The following SLC24A2 variants were observed in gnomAD, a reference collection of about 807,000 sequenced individuals.
The protein encoded by SLC24A2 is solute carrier family 24 member 2.
SLC24A2 carries 36 observed loss-of-function variants against 62.0 expected under a neutral mutation model. The observed-to-expected ratio is 0.58, with a 90% CI of 0.44 to 0.77. SLC24A2 has a LOEUF of 0.77. Ranked by LOEUF, SLC24A2 falls within the 30% of genes least tolerant of loss-of-function variation. SLC24A2 has a pLI of 0.00. For missense variants in SLC24A2, 846 were observed against 817.9 expected, an observed-to-expected ratio of 1.03 and a Z score of -0.42; for synonymous variants, 358 against 294.0, an observed-to-expected ratio of 1.22 and a Z score of -2.23.
intron 2 of SLC24A2, among the ~76,000 whole-genome samples, chr9:19,643,868 G>T (rs1818570384): frequency 1.3e-5 from 2 of 152,242 alleles, no homozygotes; most frequent in African/African-American, 4.8e-5. Flanking sequence ...TTAATCCACA[G>T]ATTCAATAGA....
the SLC24A2 span, among the ~76,000 whole-genome samples, chr9:20,197,345 T>C: frequency 6.6e-6 from 1 of 151,924 alleles, no homozygotes; most frequent in Non-Finnish European, 1.5e-5. Flanking sequence ...TAGACATAAA[T>C]AGTTTAGGGC....
chr9:19,987,741 C>T, the SLC24A2 span, among the ~76,000 whole-genome samples: 1 of 152,192 alleles, frequency 6.6e-6, no homozygotes, highest in Non-Finnish European at 1.5e-5. Context: ...CTGCATCACA[C>T]ATCAGTATTC....
chr9:19,588,330 T>C (rs1021456994), intron 5 of SLC24A2, among the ~76,000 whole-genome samples: 3 of 152,096 alleles, frequency 2.0e-5, no homozygotes. Flanking sequence ...GGAAATGGTG[T>C]CTGTGCACAG....
chr9:20,104,486 C>CT, the SLC24A2 span, among the ~76,000 whole-genome samples: 2 of 152,224 alleles, frequency 1.3e-5, no homozygotes, highest in African/African-American at 4.8e-5. Flanking sequence ...GCCCATCAGA[C>CT]TAACAGTGGA....
chr9:19,828,579 C>T, the SLC24A2 span, among the ~76,000 whole-genome samples: 1 of 152,134 alleles, frequency 6.6e-6, no homozygotes, highest in Admixed American at 6.6e-5. Flanking sequence ...GAGAGGGGTT[C>T]ATATCTAGGT....
At chr9:19,947,810 AAG>A in the SLC24A2 span, among the ~76,000 whole-genome samples, 3 of 97,648 alleles carry the variant, frequency 3.1e-5, no homozygotes, top group African/African-American at 9.1e-5. Context: ...AAAAAAAAAA[AAG>A]AAAGAAAGAA....
At chr9:20,168,346 G>A in the SLC24A2 span, among the ~76,000 whole-genome samples, 1 of 151,774 alleles carries the variant, frequency 6.6e-6, no homozygotes, top group Admixed American at 6.6e-5. Context: ...ATGACACCAA[G>A]ATAACAGGTA....
At chr9:20,032,799 C>T in the SLC24A2 span, among the ~76,000 whole-genome samples, 1 of 152,106 alleles carries the variant, frequency 6.6e-6, no homozygotes, top group East Asian at 1.9e-4. Flanking sequence ...GGACCCAACC[C>T]AGGGAGGAGT....
the SLC24A2 span, among the ~76,000 whole-genome samples, chr9:20,125,661 T>G: frequency 2.0e-5 from 3 of 152,096 alleles, no homozygotes; most frequent in African/African-American, 7.2e-5. Flanking sequence ...TTGCAGTCCT[T>G]GTGGCCTAGA....
At chr9:20,040,202 G>A in the SLC24A2 span, among the ~76,000 whole-genome samples, 3 of 152,158 alleles carry the variant, frequency 2.0e-5, no homozygotes, top group Non-Finnish European at 4.4e-5. Context: ...GCGATGGAAC[G>A]ATTTTTTGTT....
intron 2 of SLC24A2, among the ~76,000 whole-genome samples, chr9:19,758,893 C>T (rs1822226748): frequency 6.6e-6 from 1 of 152,090 alleles, no homozygotes; most frequent in Admixed American, 6.6e-5. Context: ...AAGGTAAAGT[C>T]GTCTGTTCTC....
At chr9:19,835,481 G>A in the SLC24A2 span, among the ~76,000 whole-genome samples, 1 of 152,104 alleles carries the variant, frequency 6.6e-6, no homozygotes, top group East Asian at 1.9e-4. Flanking sequence ...GACAAAGAAG[G>A]CCATTACATA....
At chr9:20,124,611 T>C in the SLC24A2 span, among the ~76,000 whole-genome samples, 2 of 152,294 alleles carry the variant, frequency 1.3e-5, no homozygotes, top group East Asian at 3.9e-4. Flanking sequence ...CATGCTAACT[T>C]TCATTTATTC....
Position 19,514,393 on chromosome 9 carries a change from G to C in SLC24A2, c.*1760C>G, listed in dbSNP as rs1328406251. ...GCCATATGTACCAACTTAGACGTAG[G>C]ATGGGTACAGAATAATGAACCATCC... On this transcript the variant is annotated 3_prime_UTR_variant, in exon 11 of 11. Coordinates refer to ENST00000341998, the MANE Select transcript of SLC24A2 (RefSeq NM_020344.4). The C allele has an allele frequency of 6.6e-6, 1 of 152,172 alleles. No homozygotes were observed. The highest frequency in any genetic ancestry group is 1.5e-5 in the Non-Finnish European group (1 of 68,038). The allele number at this position is 152,172 out of a possible 1,614,324, so 9.4% of individuals were successfully genotyped here.
intron 8 of SLC24A2, among the ~76,000 whole-genome samples, chr9:19,535,501 C>G (rs1833920272): frequency 6.6e-6 from 1 of 152,150 alleles, no homozygotes; most frequent in African/African-American, 2.4e-5. Flanking sequence ...AAGGTGGAGT[C>G]TTTAATCCAT....
At chr9:19,915,691 A>G in the SLC24A2 span, among the ~76,000 whole-genome samples, 4 of 152,174 alleles carry the variant, frequency 2.6e-5, no homozygotes, top group East Asian at 7.7e-4. Context: ...CTAATTCCTA[A>G]TGAGCATCTG....
chr9:19,861,024 G>A, the SLC24A2 span, among the ~76,000 whole-genome samples: 18 of 152,304 alleles, frequency 1.2e-4, no homozygotes, highest in South Asian at 2.5e-3. Context: ...GCCCTGAAGG[G>A]AAGGAGATAG....
chr9:19,607,585 G>A (rs760440524), intron 4 of SLC24A2, among the ~76,000 whole-genome samples: 1 of 151,958 alleles, frequency 6.6e-6, no homozygotes, highest in Admixed American at 6.6e-5. Flanking sequence ...CAGACATAGT[G>A]GTGCATGCCT....
At chr9:20,249,290 C>G in the SLC24A2 span, among the ~76,000 whole-genome samples, 1 of 152,184 alleles carries the variant, frequency 6.6e-6, no homozygotes, top group African/African-American at 2.4e-5. Flanking sequence ...ATTATCACAG[C>G]TCTGCCATTG....
Sources: allele counts gnomAD v4.1 joint callset (sites outside exome capture counted in the v4.1 genomes callset), GRCh38; gene constraint gnomAD v4.1.1; transcripts MANE v1.5; gene names NCBI Gene and HGNC (gene_info 2026-07-23, HGNC 2026-07-21).